Variants in ENOX1 observed in about 807,000 individuals in gnomAD.
The protein encoded by ENOX1 is candidate growth-related and time keeping constitutive hydroquinone (NADH) oxidase.
Under a neutral mutation model 82.5 loss-of-function variants are expected in ENOX1, and 42 were observed. The observed-to-expected ratio is 0.51, with a 90% CI of 0.40 to 0.66. The LOEUF (loss-of-function observed/expected upper bound fraction) is 0.66, where lower values mean the gene tolerates loss of function less well. ENOX1 is among the 30% of genes least tolerant of loss of function. The pLI is 0.00. For missense variants in ENOX1, 608 were observed against 811.6 expected, an observed-to-expected ratio of 0.75 and a Z score of 3.05; for synonymous variants, 271 against 282.2, an observed-to-expected ratio of 0.96 and a Z score of 0.40.
chr13:43,449,113 G>A (rs2056815991), intron 3 of ENOX1, among the ~76,000 whole-genome samples: 1 of 152,130 alleles, frequency 6.6e-6, no homozygotes. Flanking sequence ...GAGTTTAGAG[G>A]CCCAAGTTGC....
chr13:43,605,595 A>C (rs1425042731), intron 2 of ENOX1, among the ~76,000 whole-genome samples: 1 of 152,146 alleles, frequency 6.6e-6, no homozygotes, highest in Non-Finnish European at 1.5e-5. Flanking sequence ...GAACAACTGG[A>C]TATCCATATA....
intron 1 of ENOX1, among the ~76,000 whole-genome samples, chr13:43,759,604 T>C (rs138603444): frequency 3.4e-4 from 52 of 152,332 alleles, no homozygotes; most frequent in African/African-American, 1.2e-3. Context: ...TATAATTGTT[T>C]AACTCTAAAT....
chr13:43,283,239 GTC>G (rs1176396294), intron 12 of ENOX1, among the ~76,000 whole-genome samples: 3 of 151,604 alleles, frequency 2.0e-5, no homozygotes, highest in Non-Finnish European at 4.4e-5. Context: ...TATTTCTTTA[GTC>G]TCTGTTGCAT....
intron 2 of ENOX1, among the ~76,000 whole-genome samples, chr13:43,561,645 G>C (rs2079674826): frequency 6.6e-6 from 1 of 152,090 alleles, no homozygotes; most frequent in African/African-American, 2.4e-5. Flanking sequence ...AATCAAGTAA[G>C]TATTAGTACT....
intron 12 of ENOX1, among the ~76,000 whole-genome samples, chr13:43,274,715 T>C (rs2044900834): frequency 6.6e-6 from 1 of 152,222 alleles, no homozygotes; most frequent in South Asian, 2.1e-4. Context: ...TGGAGTGTGT[T>C]CCAATTAGAC....
chr13:43,455,893 T>C lies in ENOX1; in HGVS notation c.-75+28116A>G, dbSNP rs142975798. Among the ~76,000 whole-genome samples, 1,473 of 152,328 alleles carry C rather than the reference T, an allele frequency of 9.7e-3. 20 individuals carry two copies. The highest frequency in any genetic ancestry group is 0.034 in the African/African-American group (1,400 of 41,570). On this transcript the variant is annotated intron_variant, in intron 3 of 16. Coordinates refer to ENST00000690772, the MANE Select transcript of ENOX1 (RefSeq NM_001347969.2). ...GTTCTTTCCTTGCCTTCTGCCATGATTGTGAGGTCTCCCCAGCCATGTGAA... is the reference window on the plus strand; with the variant it reads ...GTTCTTTCCTTGCCTTCTGCCATGACTGTGAGGTCTCCCCAGCCATGTGAA...
At chr13:43,783,478 C>T (rs1952395094) in intron 1 of ENOX1, among the ~76,000 whole-genome samples, 1 of 152,168 alleles carries the variant, frequency 6.6e-6, no homozygotes, top group Non-Finnish European at 1.5e-5. Context: ...CAGGGGAAGA[C>T]ATCCTGAGAC....
At chr13:43,447,689 A>G (rs1360792009) in intron 3 of ENOX1, among the ~76,000 whole-genome samples, 1 of 152,168 alleles carries the variant, frequency 6.6e-6, no homozygotes, top group Non-Finnish European at 1.5e-5. Context: ...ACAGCCAGCT[A>G]TAGCCCTTCT....
At chr13:43,699,495 A>C (rs951395296) in intron 1 of ENOX1, among the ~76,000 whole-genome samples, 52 of 152,216 alleles carry the variant, frequency 3.4e-4, no homozygotes, top group Admixed American at 3.3e-3. Flanking sequence ...GCTGAAAACC[A>C]GTTTCGAAAG....
intron 16 of ENOX1, among the ~76,000 whole-genome samples, chr13:43,220,508 G>A (rs553263862): frequency 2.6e-5 from 4 of 152,280 alleles, no homozygotes; most frequent in African/African-American, 9.6e-5. Flanking sequence ...GTTGAGAATA[G>A]GGTTCTATCT....
intron 11 of ENOX1, among the ~76,000 whole-genome samples, chr13:43,307,887 C>G (rs2046957999): frequency 6.6e-6 from 1 of 152,242 alleles, no homozygotes; most frequent in Non-Finnish European, 1.5e-5. Flanking sequence ...GGCTGAACCT[C>G]TGGAACTAAT....
intron 16 of ENOX1, among the ~76,000 whole-genome samples, chr13:43,220,014 C>T (rs529535100): frequency 6.6e-6 from 1 of 152,236 alleles, no homozygotes; most frequent in Admixed American, 6.5e-5. Flanking sequence ...TGTTAGCACA[C>T]ACAGACACCT....
Position 43,470,650 on chromosome 13 carries a change from T to A in ENOX1, c.-75+13359A>T, listed in dbSNP as rs1055758445. On this transcript the variant is annotated intron_variant, in intron 3 of 16. Transcript: ENST00000690772. ...TATTTTTATATATGGCTCATACATA[T>A]AAAGAACTTCTATACTTCAATAAGA... Among the ~76,000 whole-genome samples the A allele has an allele frequency of 4.0e-5, 6 of 151,486 alleles. No individual in the cohort carries two copies. In the East Asian group the frequency reaches 1.2e-3, roughly 29 times the overall value.
At chr13:43,747,065 A>G (rs1950061222) in intron 1 of ENOX1, among the ~76,000 whole-genome samples, 1 of 152,136 alleles carries the variant, frequency 6.6e-6, no homozygotes, top group South Asian at 2.1e-4. Flanking sequence ...AATGGTGACA[A>G]GTATAAGTGG....
chr13:43,404,067 C>T (rs951711339), intron 5 of ENOX1, among the ~76,000 whole-genome samples: 2 of 152,112 alleles, frequency 1.3e-5, no homozygotes, highest in Admixed American at 6.6e-5. Context: ...CAGCAGCCTT[C>T]TAGATACAAA....
chr13:43,561,988 A>AGAGAGAGG, intron 2 of ENOX1, among the ~76,000 whole-genome samples: 1 of 127,062 alleles, frequency 7.9e-6, no homozygotes, highest in Non-Finnish European at 1.6e-5. Flanking sequence ...AGGAAGGAAG[A>AGAGAGAGG]GAGAGAGGGA....
At position 43,513,034 on chromosome 13, in the gene ENOX1, C is replaced by T. The variant is rs930975113; in HGVS notation, c.-218-28882G>A. Among the ~76,000 whole-genome samples the T allele has an allele frequency of 3.3e-5, 5 of 152,032 alleles. No individual in the cohort carries two copies. In the East Asian group the frequency reaches 5.8e-4, roughly 18 times the overall value. ...ATAATAATCATAATTTGTGGCTGGG[C>T]GCAGTGGCTCACGCCTGCAATCTCA... On this transcript the variant is annotated intron_variant, in intron 2 of 16. Transcript: ENST00000690772.
At chr13:43,529,143 C>T (rs1188526129) in intron 2 of ENOX1, among the ~76,000 whole-genome samples, 5 of 151,954 alleles carry the variant, frequency 3.3e-5, no homozygotes, top group Non-Finnish European at 5.9e-5. Flanking sequence ...CCACAGTCAA[C>T]CACAGTCTGA....
intron 3 of ENOX1, among the ~76,000 whole-genome samples, chr13:43,442,214 TA>T (rs1295492818): frequency 6.6e-6 from 1 of 152,180 alleles, no homozygotes; most frequent in Non-Finnish European, 1.5e-5. Context: ...GAACACATTT[TA>T]AAACCTGCAT....
Sources: gnomAD v4.1 joint callset for allele counts (sites outside exome capture counted in the v4.1 genomes callset) on GRCh38, gnomAD v4.1.1 for gene constraint, MANE v1.5 for transcripts, NCBI Gene and HGNC (gene_info 2026-07-23, HGNC 2026-07-21) for gene names.